NIM1K: variants seen among roughly 807,000 people sequenced by gnomAD.
NIM1K encodes serine/threonine-protein kinase NIM1.
Under a neutral mutation model 37.1 loss-of-function variants are expected in NIM1K, and 35 were observed. The observed-to-expected ratio is 0.94, with a 90% CI of 0.72 to 1.25. The LOEUF is 1.25. Ranked by LOEUF, NIM1K falls within the 50% of genes most tolerant of loss-of-function variation. NIM1K has a pLI of 0.00. For synonymous variants in NIM1K, 234 were observed against 206.6 expected (o/e 1.13, Z -1.14); for missense variants, 564 against 548.0 (o/e 1.03, Z -0.29).
intron 1 of NIM1K, chr5:43,232,478 C>T (rs2112244611): frequency 6.7e-7 from 1 of 1,503,570 alleles, no homozygotes; most frequent in African/African-American, 1.4e-5. Flanking sequence ...CACAATTTGA[C>T]CTATCAACCT....
At chr5:43,234,159 C>T (rs539025532) in intron 1 of NIM1K, among the ~76,000 whole-genome samples, 3 of 152,186 alleles carry the variant, frequency 2.0e-5, no homozygotes, top group African/African-American at 7.2e-5. Context: ...CTTCAGATGG[C>T]CTTAGTTTTG....
chr5:43,246,348 C>T (rs1752778912), intron 2 of NIM1K, among the ~76,000 whole-genome samples: 1 of 152,164 alleles, frequency 6.6e-6, no homozygotes, highest in South Asian at 2.1e-4. Flanking sequence ...TCCAAAAACC[C>T]TTCCACCATA....
At chr5:43,268,716 C>T (rs1420794113) in intron 2 of NIM1K, among the ~76,000 whole-genome samples, 1 of 152,060 alleles carries the variant, frequency 6.6e-6, no homozygotes, top group African/African-American at 2.4e-5. Flanking sequence ...TCTTCTCCTC[C>T]TCCTAAGTCT....
chr5:43,269,185 C>A (rs1429723640), intron 2 of NIM1K, among the ~76,000 whole-genome samples: 1 of 151,326 alleles, frequency 6.6e-6, no homozygotes, highest in Non-Finnish European at 1.5e-5. Flanking sequence ...GTGGGGGCAC[C>A]TGTAATCCCA....
chr5:43,276,021 C>T (rs1472054430), intron 2 of NIM1K, among the ~76,000 whole-genome samples: 1 of 151,586 alleles, frequency 6.6e-6, no homozygotes, highest in Non-Finnish European at 1.5e-5. Context: ...CCTGCCTCAG[C>T]CACCCGAGTA....
intron 2 of NIM1K, among the ~76,000 whole-genome samples, chr5:43,254,888 T>G (rs77888045): frequency 1.3e-5 from 2 of 152,188 alleles, no homozygotes; most frequent in Non-Finnish European, 2.9e-5. Context: ...TTTTAAAAAT[T>G]GATTCCCCCC....
In NIM1K at chr5:43,246,478, C is replaced by T. The variant is rs532852441; in HGVS notation, c.292+411C>T. Among the ~76,000 whole-genome samples, 4 of 152,202 alleles carry T rather than the reference C, an allele frequency of 2.6e-5. No individual in the cohort carries two copies. The East Asian group carries it at 7.8e-4, about 29-fold the overall frequency. ...CCTCATCTCCCAAGCCACCTCATCT[C>T]CCAAGCCCATATTTATAGTTTCCAT... On this transcript the variant is annotated intron_variant, in intron 2 of 3. Transcript: ENST00000326035.
At chr5:43,208,963 A>C (rs1292008964) in intron 1 of NIM1K, among the ~76,000 whole-genome samples, 1 of 152,232 alleles carries the variant, frequency 6.6e-6, no homozygotes, top group Admixed American at 6.5e-5. Flanking sequence ...AGGCAAGTCC[A>C]TGGGTGTGTA....
intron 2 of NIM1K, among the ~76,000 whole-genome samples, chr5:43,254,782 C>T (rs868057653): frequency 5.9e-5 from 9 of 151,982 alleles, no homozygotes; most frequent in Admixed American, 1.3e-4. Flanking sequence ...TTATCCAGGC[C>T]GTTCAAGAAC....
At chr5:43,197,125 A>T (rs1299747556) in intron 1 of NIM1K, among the ~76,000 whole-genome samples, 1 of 146,256 alleles carries the variant, frequency 6.8e-6, no homozygotes, top group Non-Finnish European at 1.5e-5. Context: ...GAATCTATTG[A>T]CTTATTTATT....
Position 43,246,021 on chromosome 5 carries a change from T to C in NIM1K, c.246T>C (p.Ser82=). The change falls in exon 2 of 4, where the codon AGT becomes AGC. Residue 82 remains serine, a synonymous_variant. Coordinates refer to ENST00000326035, the MANE Select transcript of NIM1K (RefSeq NM_153361.4). ...ACCGAATTCGAGGGGAAATCGGAAG[T>C]GGAAACTTCTCCCAAGTGAAGCTTG... ...GFYRIRGEIG[S]GNFSQVKLGI... is the part of the protein sequence containing the mutation. 2 of 1,613,942 alleles carry C rather than the reference T, an allele frequency of 1.2e-6. No individual in the cohort carries two copies. The highest frequency in any genetic ancestry group is 1.7e-6 in the Non-Finnish European group (2 of 1,179,900).
intron 2 of NIM1K, among the ~76,000 whole-genome samples, chr5:43,246,660 G>C (rs1752783548): frequency 6.6e-6 from 1 of 152,142 alleles, no homozygotes; most frequent in Admixed American, 6.5e-5. Context: ...AACCTTTTCT[G>C]TTCAGTCCAC....
At chr5:43,260,581 C>A (rs1310722016) in intron 2 of NIM1K, among the ~76,000 whole-genome samples, 1 of 150,576 alleles carries the variant, frequency 6.6e-6, no homozygotes, top group Non-Finnish European at 1.5e-5. Flanking sequence ...TATTGACTTG[C>A]ATATATATAT....
chr5:43,264,030 T>C (rs1448063232), intron 2 of NIM1K, among the ~76,000 whole-genome samples: 9 of 152,214 alleles, frequency 5.9e-5, no homozygotes, highest in Admixed American at 4.6e-4. Flanking sequence ...TGAGGAGTGC[T>C]TTACTTCCAA....
chr5:43,223,751 A>G (rs1406563396), intron 1 of NIM1K, among the ~76,000 whole-genome samples: 1 of 152,208 alleles, frequency 6.6e-6, no homozygotes, highest in African/African-American at 2.4e-5. Flanking sequence ...GAGCCCCTAG[A>G]TGGATAATTC....
intron 2 of NIM1K, among the ~76,000 whole-genome samples, chr5:43,269,866 C>A (rs924824283): frequency 6.6e-6 from 1 of 152,120 alleles, no homozygotes; most frequent in Non-Finnish European, 1.5e-5. Flanking sequence ...GATCCACCCC[C>A]CTTGGCCTCC....
chr5:43,207,478 C>A, intron 1 of NIM1K: 2 of 747,490 alleles, frequency 2.7e-6, no homozygotes, highest in Non-Finnish European at 5.0e-6. Flanking sequence ...AGAGGTACAC[C>A]AAAGAAGGGA....
At chr5:43,237,975 C>T (rs1396393596) in intron 1 of NIM1K, among the ~76,000 whole-genome samples, 5 of 151,666 alleles carry the variant, frequency 3.3e-5, no homozygotes, top group Non-Finnish European at 5.9e-5. Context: ...ATTGATTACC[C>T]AGTTTTCGTG....
chr5:43,265,958 A>C (rs560712606), intron 2 of NIM1K, among the ~76,000 whole-genome samples: 1 of 152,312 alleles, frequency 6.6e-6, no homozygotes, highest in East Asian at 1.9e-4. Context: ...AGAATAGCAA[A>C]TGTTGCTGCC....
Sources: allele counts gnomAD v4.1 joint callset (sites outside exome capture counted in the v4.1 genomes callset), GRCh38; gene constraint gnomAD v4.1.1; transcripts MANE v1.5; gene names NCBI Gene and HGNC (gene_info 2026-07-23, HGNC 2026-07-21).